Variants in WDPCP observed in about 807,000 individuals in gnomAD.
WDPCP encodes the protein WD repeat-containing and planar cell polarity effector protein fritz homolog.
In WDPCP, 71 loss-of-function variants were observed where a neutral mutation model predicts 93.1. That is an observed-to-expected ratio of 0.76 (90% CI 0.63 to 0.93). The LOEUF is 0.93. WDPCP is among the 40% of genes least tolerant of loss of function. The pLI, the probability that WDPCP is intolerant of heterozygous loss-of-function variation, is 0.00. For missense variants in WDPCP, 844 were observed against 887.4 expected (o/e 0.95, Z 0.62); for synonymous variants, 315 against 315.0 (o/e 1.00, Z 0.00).
intron 17 of WDPCP, among the ~76,000 whole-genome samples, chr2:63,131,975 C>T (rs926431536): frequency 1.9e-4 from 29 of 151,760 alleles, no homozygotes; most frequent in Admixed American, 1.9e-3. Flanking sequence ...GCTGGGATTA[C>T]AGGCGTGTGC....
At chr2:63,310,435 C>A (rs1403843389) in intron 13 of WDPCP, among the ~76,000 whole-genome samples, 1 of 151,900 alleles carries the variant, frequency 6.6e-6, no homozygotes, top group East Asian at 1.9e-4. Context: ...TACAATGCAG[C>A]CTTAAGTGAT....
chr2:63,369,517 A>C (rs979779181), intron 12 of WDPCP: 2 of 456,522 alleles, frequency 4.4e-6, no homozygotes, highest in African/African-American at 4.0e-5. Context: ...AATGAGAGTA[A>C]TAAACAATTC....
chr2:63,182,431 G>A (rs1674316892), intron 14 of WDPCP, among the ~76,000 whole-genome samples: 1 of 151,838 alleles, frequency 6.6e-6, no homozygotes, highest in African/African-American at 2.4e-5. Flanking sequence ...TTCTCCTTAT[G>A]TAATGAATCA....
intron 3 of WDPCP, chr2:63,606,786 T>C (rs181309118): frequency 3.7e-5 from 42 of 1,132,320 alleles, no homozygotes; most frequent in Admixed American, 2.2e-4. Context: ...CCTCTAAATA[T>C]AAGTTCAAAC....
intron 3 of WDPCP, chr2:63,599,671 G>T (rs1709385651): frequency 1.3e-5 from 2 of 152,808 alleles, no homozygotes; most frequent in Admixed American, 1.3e-4. Context: ...AGCTTTGTGT[G>T]ATTGTGTGGT....
intron 3 of WDPCP, among the ~76,000 whole-genome samples, chr2:63,600,217 G>T (rs759134670): frequency 2.0e-5 from 3 of 152,222 alleles, no homozygotes; most frequent in Non-Finnish European, 4.4e-5. Context: ...TAGTGAAAGA[G>T]AAAAGAATAT....
chr2:63,494,287 TGAC>T (rs11281691), intron 1 of WDPCP, among the ~76,000 whole-genome samples: 38 of 150,454 alleles, frequency 2.5e-4, no homozygotes, highest in African/African-American at 6.6e-4. Flanking sequence ...ATGATGATGA[TGAC>T]GACGACGACG....
chr2:63,291,476 G>T (rs571497334), intron 13 of WDPCP, among the ~76,000 whole-genome samples: 1 of 152,290 alleles, frequency 6.6e-6, no homozygotes, highest in African/African-American at 2.4e-5. Context: ...TGGTGTTTTT[G>T]TGTCTCTGAT....
At chr2:63,210,117 A>C (rs554713813) in intron 14 of WDPCP, among the ~76,000 whole-genome samples, 3 of 151,818 alleles carry the variant, frequency 2.0e-5, no homozygotes, top group African/African-American at 7.2e-5. Flanking sequence ...ATTAAGATAA[A>C]ATTAATATAC....
rs376001057 is a variant in WDPCP at position 63,469,935 on chromosome 2, T to C, written c.384+14669A>G. ...GCTTTTATCTAGATCATGAATGACC[T>C]GCATGCTCCTCCATGCAGTGGCCAA... is the stretch of plus-strand genomic sequence containing the variant. On this transcript the variant is annotated intron_variant, in intron 6 of 17. Transcript: ENST00000272321. Among the ~76,000 whole-genome samples the C allele has an allele frequency of 2.3e-4, 35 of 152,364 alleles. No individual in the cohort carries two copies. The East Asian group carries it at 6.7e-3, about 29-fold the overall frequency.
chr2:63,438,058 T>C (rs933127055), intron 7 of WDPCP: 12 of 1,200,944 alleles, frequency 1.0e-5, no homozygotes, highest in East Asian at 3.2e-5. Context: ...AAATAAAGCA[T>C]ATTATGACCA....
chr2:63,797,721 G>A (rs1248412961), intron 2 of WDPCP, among the ~76,000 whole-genome samples: 1 of 152,006 alleles, frequency 6.6e-6, no homozygotes, highest in Non-Finnish European at 1.5e-5. Flanking sequence ...AGCGTTACTG[G>A]CCTTGAAGAA....
At chr2:63,413,149 G>C (rs1365504178) in intron 9 of WDPCP, among the ~76,000 whole-genome samples, 1 of 152,140 alleles carries the variant, frequency 6.6e-6, no homozygotes, top group Non-Finnish European at 1.5e-5. Flanking sequence ...CACCAAAAGA[G>C]CATGGTACTG....
chr2:63,551,889 G>C (rs1383117515), intron 1 of WDPCP, among the ~76,000 whole-genome samples: 1 of 149,646 alleles, frequency 6.7e-6, no homozygotes, highest in East Asian at 2.0e-4. Context: ...CCCCATCACA[G>C]TCTTTCCTTC....
chr2:63,775,795 G>A (rs1670293542), intron 2 of WDPCP, among the ~76,000 whole-genome samples: 1 of 152,140 alleles, frequency 6.6e-6, no homozygotes, highest in Admixed American at 6.5e-5. Context: ...CCCAACAGTA[G>A]CTGACATCAA....
intron 2 of WDPCP, among the ~76,000 whole-genome samples, chr2:63,682,695 G>A (rs908394066): frequency 2.6e-5 from 4 of 151,872 alleles, no homozygotes; most frequent in Admixed American, 2.6e-4. Context: ...GAAGCTTATA[G>A]AACACCAAGC....
Position 63,221,079 on chromosome 2 carries a change from C to T in WDPCP, c.1915+38228G>A, listed in dbSNP as rs780119264. ...AGTATTCCATGTTGTGTATGTACCA[C>T]ATTTTCTTTATCCAGTCTATCATTG... On this transcript the variant is annotated intron_variant, in intron 14 of 17. Coordinates refer to ENST00000272321, the MANE Select transcript of WDPCP (RefSeq NM_015910.7). Among the ~76,000 whole-genome samples, 3 of 152,172 alleles carry T rather than the reference C, an allele frequency of 2.0e-5. No individual in the cohort carries two copies. In the East Asian group the frequency reaches 5.8e-4, roughly 29 times the overall value.
At chr2:63,207,876 C>A (rs1026343613) in intron 14 of WDPCP, among the ~76,000 whole-genome samples, 6 of 152,046 alleles carry the variant, frequency 3.9e-5, no homozygotes, top group Non-Finnish European at 5.9e-5. Context: ...ATCTTCTTTG[C>A]CTATCATCTT....
At chr2:63,329,648 T>C (rs564205569) in intron 12 of WDPCP, among the ~76,000 whole-genome samples, 2 of 152,304 alleles carry the variant, frequency 1.3e-5, no homozygotes, top group South Asian at 4.1e-4. Context: ...CCCCCAAAGG[T>C]CTTTTCATTT....
Sources: allele counts gnomAD v4.1 joint callset (sites outside exome capture counted in the v4.1 genomes callset), GRCh38; gene constraint gnomAD v4.1.1; transcripts MANE v1.5; gene names NCBI Gene and HGNC (gene_info 2026-07-23, HGNC 2026-07-21).